Variants in SH2B1 observed in about 807,000 individuals in gnomAD.
SH2B1 encodes SH2B adapter protein 1.
Under a neutral mutation model 62.6 loss-of-function variants are expected in SH2B1, and 15 were observed. The ratio of observed to expected loss-of-function variants is 0.24; its 90% CI spans 0.16 to 0.37. The LOEUF is 0.37. SH2B1 is among the 10% of genes least tolerant of loss of function. The pLI, the probability that SH2B1 is intolerant of heterozygous loss-of-function variation, is 1.00. For missense variants in SH2B1, 925 were observed against 1,015.6 expected (o/e 0.91, Z 1.21); for synonymous variants, 443 against 438.0 (o/e 1.01, Z -0.14).
Position 28,865,256 on chromosome 16 carries a change from A to G in SH2B1, c.-839A>G, listed in dbSNP as rs1047571091. The G allele has an allele frequency of 1.7e-5, 17 of 985,520 alleles. No individual in the cohort carries two copies. The highest frequency in any genetic ancestry group is 2.0e-5 in the Non-Finnish European group (17 of 829,968). 61.0% of individuals were successfully genotyped at this position (985,520 alleles called of 1,614,324 possible). ...GCCTCTGGCCCCAGACTGAAGGGATACCAAAGAAGTGGGCTGTAGCTATTT... is the reference window on the plus strand; with the variant it reads ...GCCTCTGGCCCCAGACTGAAGGGATGCCAAAGAAGTGGGCTGTAGCTATTT... On this transcript the variant is annotated 5_prime_UTR_variant, in exon 1 of 8. The change creates a new upstream start codon in the 5' untranslated region. Transcript: ENST00000684370.
In SH2B1 at chr16:28,866,864, G is replaced by A; in HGVS notation, c.770G>A (p.Gly257Glu). 1 of 1,609,420 alleles carries A rather than the reference G, an allele frequency of 6.2e-7. No homozygotes were observed. Among genetic ancestry groups the A allele is most frequent in the Non-Finnish European group, 8.5e-7 (1 of 1,177,886 alleles). ...AGGGAAGAGCTGCTGAGTTTCATGG[G>A]GGCTGAGGAGGCAGCCCCTGACCCA... ...VQREELLSFM[G>E]AEEAAPDPAG... The change falls in exon 1 of 8, where the codon GGG (glycine) becomes GAG (glutamate). Residue 257 changes from glycine (G) to glutamate (E), a missense_variant. This residue lies in a region of SH2B1 where 683 missense variants were observed against 704.0 expected (regional missense o/e 0.97). Coordinates refer to ENST00000684370, the MANE Select transcript of SH2B1 (RefSeq NM_001387430.1). This position sits in a 1 kb window ranked among gnomAD's most constrained non-coding sequence, Gnocchi z 6.3.
At chr16:28,871,091 C>T (rs997838449) in intron 4 of SH2B1, among the ~76,000 whole-genome samples, 15 of 152,162 alleles carry the variant, frequency 9.9e-5, no homozygotes, top group African/African-American at 3.4e-4. Context: ...AATCTCGGCT[C>T]ACTGCAACCT....
intron 1 of SH2B1, among the ~76,000 whole-genome samples, chr16:28,857,741 CT>C (rs67567805): frequency 0.69 from 93,189 of 135,144 alleles, 32,942 homozygotes; most frequent in African/African-American, 0.89. Context: ...GTCCGGAGTT[CT>C]TTTTTTTTTT....
At chr16:28,862,203 G>C (rs1444208802), upstream of SH2B1, 2 of 152,152 alleles carry the variant, frequency 1.3e-5, no homozygotes, top group South Asian at 2.1e-4. Flanking sequence ...AATTGTTCTC[G>C]ATTTCTCTAA....
In SH2B1 at chr16:28,852,471, CATATATATTTATATATACAT is replaced by C. The variant is rs1567458639; in HGVS notation, c.-301+5646_-301+5665del. ...ATTTACATATATATTTATATATATA[CATATATATTTATATATACAT>C]ACATATATTTATATATATACACATA... On this transcript the variant is annotated intron_variant, in intron 1 of 10. Coordinates refer to the SH2B1 transcript ENST00000322610. Among the ~76,000 whole-genome samples, 41 of 71,730 alleles carry C rather than the reference CATATATATTTATATATACAT, an allele frequency of 5.7e-4. 13 individuals are homozygous for C. Among genetic ancestry groups the C allele is most frequent in the African/African-American group, 2.1e-3 (33 of 15,466 alleles). 47.1% of individuals were successfully genotyped at this position (71,730 alleles called of 152,430 possible).
chr16:28,853,548 G>A (rs546096799), intron 1 of SH2B1, among the ~76,000 whole-genome samples: 18 of 148,224 alleles, frequency 1.2e-4, no homozygotes, highest in African/African-American at 3.7e-4. Flanking sequence ...TAGAGACGGG[G>A]TCTCCCTATG....
At chr16:28,856,702 C>T (rs1962330036) in intron 1 of SH2B1, among the ~76,000 whole-genome samples, 1 of 111,062 alleles carries the variant, frequency 9.0e-6, no homozygotes, top group East Asian at 3.5e-4. Flanking sequence ...GCATCCTTCA[C>T]TCTTCACTCT....
At chr16:28,868,046 C>G (rs1021804756) in intron 2 of SH2B1, among the ~76,000 whole-genome samples, 2 of 152,234 alleles carry the variant, frequency 1.3e-5, no homozygotes, top group Non-Finnish European at 2.9e-5. Flanking sequence ...GCAGGCTGGT[C>G]TCAAACTGGC....
rs747245912 is a variant in SH2B1 at position 28,872,040 on chromosome 16, C to T, written c.1513+57C>T. ...GCCTGGGTGCCTACCTTCCTGACCA[C>T]CTCTCCTGGGATCCCGAGGGAGCTG... On this transcript the variant is annotated intron_variant, in intron 5 of 7. Transcript: ENST00000684370. The surrounding 1 kb of genome is among the most constrained non-coding windows in gnomAD (Gnocchi z 5.3). The T allele has an allele frequency of 9.6e-6, 13 of 1,348,516 alleles. No homozygotes were observed. The highest frequency in any genetic ancestry group is 1.4e-5 in the Non-Finnish European group (13 of 940,920). 83.5% of individuals were successfully genotyped at this position (1,348,516 alleles called of 1,614,324 possible). A position where few individuals can be genotyped will look rare whatever the true frequency, so the allele number is the denominator to read the frequency against.
rs977368682 is a variant in SH2B1, at chr16:28,872,810, G to A, written c.1897+105G>A. 1 of 1,459,134 alleles carries A rather than the reference G, an allele frequency of 6.9e-7. No homozygotes were observed. The highest frequency in any genetic ancestry group is 1.4e-5 in the African/African-American group (1 of 71,466). 90.4% of individuals were successfully genotyped at this position (1,459,134 alleles called of 1,614,324 possible). A position where few individuals can be genotyped will look rare whatever the true frequency, so the allele number is the denominator to read the frequency against. On this transcript the variant is annotated intron_variant, in intron 7 of 7. Coordinates refer to ENST00000684370, the MANE Select transcript of SH2B1 (RefSeq NM_001387430.1). The surrounding 1 kb of genome is among the most constrained non-coding windows in gnomAD (Gnocchi z 5.3). ...GGAGGGGGGACTATCACAAGGAGAA[G>A]CTTTGCTTGGGAGAGCAGGGTAGAG...
In SH2B1 at chr16:28,866,694, C is replaced by G. The variant is rs1444353004; in HGVS notation, c.600C>G (p.Ser200=). The change falls in exon 1 of 8, where the codon TCC becomes TCG. Residue 200 remains serine (S), a synonymous_variant. Transcript: ENST00000684370. This position sits in a 1 kb window ranked among gnomAD's most constrained non-coding sequence, Gnocchi z 6.3. ...GPPVLGGNSN[S]NSSGGAGTVG... ...CAGTCTTAGGTGGAAACAGCAACTC[C>G]AACTCCTCTGGCGGGGCTGGGACCG... 6.3e-7 allele frequency: 1 copy of G among 1,599,972 alleles called. No homozygotes were observed. The highest frequency in any genetic ancestry group is 1.1e-5 in the South Asian group (1 of 88,724).
At position 28,866,305 on chromosome 16, in the gene SH2B1, C is replaced by G. The variant is rs1962688619; in HGVS notation, c.211C>G (p.Leu71Val). ...EAAFSRRFAE[L>V]FLQHFEAEVA... is the part of the protein sequence containing the mutation. ...TGCCTTCTCCCGCCGTTTTGCTGAG[C>G]TCTTCCTGCAGCACTTTGAAGCCGA... Residue 71 changes from leucine (L) to valine (V), a missense_variant, in exon 1 of 8, where the codon CTC becomes GTC. Leu to Val is a conservative substitution (Grantham distance 32). Transcript: ENST00000684370. The surrounding 1 kb of genome is among the most constrained non-coding windows in gnomAD (Gnocchi z 6.3). 1 of 1,611,122 alleles carries G rather than the reference C, an allele frequency of 6.2e-7. No individual in the cohort carries two copies. The highest frequency in any genetic ancestry group is 1.3e-5 in the African/African-American group (1 of 75,030).
At chr16:28,852,727 T>C (rs185896797) in intron 1 of SH2B1, among the ~76,000 whole-genome samples, 815 of 41,032 alleles carry the variant, frequency 0.02, 145 homozygotes, top group African/African-American at 0.059. Flanking sequence ...TATATATTTA[T>C]ATATATACAT....
Position 28,869,265 on chromosome 16 carries a change from A to G in SH2B1, c.1191A>G (p.Ser397=). The G allele has an allele frequency of 6.2e-7, 1 of 1,614,046 alleles. No individual in the cohort carries two copies. The highest frequency in any genetic ancestry group is 8.5e-7 in the Non-Finnish European group (1 of 1,179,978). Residue 397 remains serine, a synonymous_variant, in exon 4 of 8, where the codon TCA becomes TCG. Coordinates refer to ENST00000684370, the MANE Select transcript of SH2B1 (RefSeq NM_001387430.1). ...PMTLPLAPGT[S]FLTRENTDSL... ...CCCTCCCTCTGGCCCCTGGGACCTC[A>G]TTCCTTACAAGGGAGAACACAGACA...
rs1326655243 is a variant in SH2B1 at position 28,873,672 on chromosome 16, T to C, written c.2123T>C (p.Ile708Thr). 11 of 1,527,300 alleles carry C rather than the reference T, an allele frequency of 7.2e-6. No individual in the cohort carries two copies. The East Asian group carries it at 2.5e-4, about 34-fold the overall frequency. The allele number at this position is 1,527,300 out of a possible 1,614,324, so 94.6% of individuals were successfully genotyped here. The change falls in exon 8 of 8, where the codon ATA (isoleucine) becomes ACA (threonine). Residue 708 changes from isoleucine (I) to threonine (T), a missense_variant. Physicochemically the swap from Ile to Thr is moderately conservative, Grantham distance 89. Coordinates refer to ENST00000684370, the MANE Select transcript of SH2B1 (RefSeq NM_001387430.1). This position sits in a 1 kb window ranked among gnomAD's most constrained non-coding sequence, Gnocchi z 4.2. ...LVPVVELEEA[I>T]APGSEAQGAG... The stretch of plus-strand genomic sequence containing the variant: ...CCCGTGGTTGAATTGGAAGAGGCCA[T>C]AGCCCCAGGCTCAGAGGCCCAGGGC...
chr16:28,873,307 A>G lies in SH2B1; in HGVS notation c.1898-140A>G, dbSNP rs1231965266. 9 of 1,596,876 alleles carry G rather than the reference A, an allele frequency of 5.6e-6. No homozygotes were observed. Among genetic ancestry groups the G allele is most frequent in the Non-Finnish European group, 7.7e-6 (9 of 1,170,770 alleles). ...CTCCTCTCACCACCGCCCATGATCC[A>G]TCTTCCATGGATGGGGGGTTGCTCA... On this transcript the variant is annotated intron_variant, in intron 7 of 7. Coordinates refer to ENST00000684370, the MANE Select transcript of SH2B1 (RefSeq NM_001387430.1). This position sits in a 1 kb window ranked among gnomAD's most constrained non-coding sequence, Gnocchi z 4.2.
chr16:28,870,955 G>A (rs887073408), intron 4 of SH2B1, among the ~76,000 whole-genome samples: 1 of 151,814 alleles, frequency 6.6e-6, no homozygotes, highest in African/African-American at 2.4e-5. Flanking sequence ...CCAAAAGGCT[G>A]GGATTACAGG....
chr16:28,853,545 G>A lies in SH2B1; in HGVS notation c.-301+6718G>A, dbSNP rs577230261. Among the ~76,000 whole-genome samples the A allele has an allele frequency of 2.1e-3, 271 of 128,924 alleles. 1 individual carries two copies. Among genetic ancestry groups the A allele is most frequent in the African/African-American group, 7.6e-3 (263 of 34,388 alleles). The allele number at this position is 128,924 out of a possible 152,430, so 84.6% of individuals were successfully genotyped here. On this transcript the variant is annotated intron_variant, in intron 1 of 10. Coordinates refer to the SH2B1 transcript ENST00000322610. ...TTCTTTTTTTTTTTTTTGTAGAGAC[G>A]GGGTCTCCCTATGTTGCCCAGGCTA...
Position 28,864,171 on chromosome 16 carries a change from A to G in SH2B1, c.-1924A>G, listed in dbSNP as rs1279854917. The G allele has an allele frequency of 1.8e-6, 2 of 1,090,448 alleles. No homozygotes were observed. Among genetic ancestry groups the G allele is most frequent in the East Asian group, 7.8e-5 (1 of 12,764 alleles). The allele number at this position is 1,090,448 out of a possible 1,614,324, so 67.5% of individuals were successfully genotyped here. A position where few individuals can be genotyped will look rare whatever the true frequency, so the allele number is the denominator to read the frequency against. ...AGGGAGTAGGGTCGGATCGGAGTAT[A>G]TGGACCACCGGGCCCGGAGGGTCCG... On this transcript the variant is annotated 5_prime_UTR_variant, in exon 1 of 8. It adds an upstream start codon to the 5' untranslated region. Coordinates refer to ENST00000684370, the MANE Select transcript of SH2B1 (RefSeq NM_001387430.1).
Sources: gnomAD v4.1 joint callset for allele counts (sites outside exome capture counted in the v4.1 genomes callset) on GRCh38, gnomAD v4.1.1 for gene constraint, gnomAD v4.1.1 regional missense constraint, Gnocchi (gnomAD v3.1) non-coding constraint, MANE v1.5 for transcripts, NCBI Gene and HGNC (gene_info 2026-07-23, HGNC 2026-07-21) for gene names.